Variants in ANKRD17 observed in about 807,000 individuals in gnomAD.
ANKRD17 encodes ankyrin repeat domain 17.
Under a neutral mutation model 229.7 loss-of-function variants are expected in ANKRD17, and 19 were observed. The observed-to-expected ratio is 0.08, with a 90% confidence interval of 0.06 to 0.12. The LOEUF (loss-of-function observed/expected upper bound fraction) is 0.12, where lower values mean the gene tolerates loss of function less well. ANKRD17 is among the 10% of genes least tolerant of loss of function. ANKRD17 has a pLI of 1.00. For missense variants in ANKRD17, 2,176 were observed against 3,176.8 expected (o/e 0.68, Z 7.57); for synonymous variants, 1,112 against 1,146.1 (o/e 0.97, Z 0.60).
chr4:73,109,097 C>T (rs1160167947), intron 24 of ANKRD17, among the ~76,000 whole-genome samples: 6 of 152,012 alleles, frequency 3.9e-5, no homozygotes, highest in Non-Finnish European at 5.9e-5. Flanking sequence ...GTCAGGAGTT[C>T]GAGACCAGCC....
rs895279641 is a variant in ANKRD17, at chr4:73,078,626, G to A, written c.7408+16C>T. ...GCATTAAGTTAATTTCTAGAGAGCA[G>A]GACAGAATATCCTACCTTGATTGCC... On this transcript the variant is annotated intron_variant, in intron 31 of 33. Transcript: ENST00000358602. The A allele has an allele frequency of 4.3e-6, 7 of 1,611,840 alleles. No individual in the cohort carries two copies. Among genetic ancestry groups the A allele is most frequent in the African/African-American group, 4.0e-5 (3 of 74,872 alleles).
At chr4:73,137,783 T>C (rs1272993108) in intron 15 of ANKRD17, among the ~76,000 whole-genome samples, 2 of 152,214 alleles carry the variant, frequency 1.3e-5, no homozygotes, top group African/African-American at 4.8e-5. Flanking sequence ...TAAAAAGTTA[T>C]ATGCACTTAA....
chr4:73,237,741 C>T (rs1318213231), intron 1 of ANKRD17, among the ~76,000 whole-genome samples: 1 of 151,986 alleles, frequency 6.6e-6, no homozygotes, highest in Non-Finnish European at 1.5e-5. Context: ...TTTCATATTC[C>T]CAGAAAAGGA....
intron 1 of ANKRD17, among the ~76,000 whole-genome samples, chr4:73,233,541 T>C (rs2149245844): frequency 6.6e-6 from 1 of 152,294 alleles, no homozygotes; most frequent in Admixed American, 6.5e-5. Context: ...AGAACTTGAA[T>C]TTCCTTCTAG....
intron 22 of ANKRD17, among the ~76,000 whole-genome samples, chr4:73,118,173 C>T (rs574639156): frequency 1.1e-4 from 17 of 152,140 alleles, no homozygotes; most frequent in East Asian, 5.8e-4. Flanking sequence ...CATGTCACCA[C>T]GCTCGGCTAA....
intron 24 of ANKRD17, among the ~76,000 whole-genome samples, chr4:73,106,615 T>C (rs1724657837): frequency 6.6e-6 from 1 of 152,084 alleles, no homozygotes; most frequent in African/African-American, 2.4e-5. Context: ...GCACGGTGGC[T>C]CACGCCTGTA....
chr4:73,232,974 T>A (rs142899521), intron 1 of ANKRD17, among the ~76,000 whole-genome samples: 359 of 152,252 alleles, frequency 2.4e-3, no homozygotes, highest in African/African-American at 6.9e-3. Context: ...CCACCCGCCT[T>A]GGCCTCCCAA....
At chr4:73,212,079 T>TA (rs1310778400) in intron 1 of ANKRD17, among the ~76,000 whole-genome samples, 2 of 152,144 alleles carry the variant, frequency 1.3e-5, no homozygotes, top group African/African-American at 4.8e-5. Context: ...TTATACAATA[T>TA]ATACACCTAA....
At chr4:73,083,033 G>T (rs1721736134) in intron 30 of ANKRD17, among the ~76,000 whole-genome samples, 1 of 152,194 alleles carries the variant, frequency 6.6e-6, no homozygotes, top group East Asian at 1.9e-4. Flanking sequence ...AATAGTTCAG[G>T]AATAAAATAA....
chr4:73,106,869 C>T (rs1724702189), intron 24 of ANKRD17, among the ~76,000 whole-genome samples: 1 of 104,258 alleles, frequency 9.6e-6, no homozygotes, highest in African/African-American at 3.8e-5. Flanking sequence ...TGGAGTGAGA[C>T]TCCGTCTTTA....
At chr4:73,180,836 C>G (rs1349201910) in intron 1 of ANKRD17, among the ~76,000 whole-genome samples, 1 of 152,138 alleles carries the variant, frequency 6.6e-6, no homozygotes, top group African/African-American at 2.4e-5. Context: ...TCTCTCTCAG[C>G]CATCTATAAC....
intron 1 of ANKRD17, among the ~76,000 whole-genome samples, chr4:73,230,146 C>G (rs1387070839): frequency 6.6e-6 from 1 of 151,906 alleles, no homozygotes; most frequent in Admixed American, 6.6e-5. Flanking sequence ...GTTGAACATG[C>G]TTCGAGAAAT....
intron 1 of ANKRD17, among the ~76,000 whole-genome samples, chr4:73,249,090 T>C (rs1346555272): frequency 1.3e-5 from 2 of 152,218 alleles, no homozygotes; most frequent in Non-Finnish European, 2.9e-5. Flanking sequence ...TAGATCTCTA[T>C]GGTAACATAT....
intron 14 of ANKRD17, among the ~76,000 whole-genome samples, chr4:73,141,154 T>C (rs1729551331): frequency 6.6e-6 from 1 of 152,194 alleles, no homozygotes; most frequent in African/African-American, 2.4e-5. Flanking sequence ...GTAAAACTTT[T>C]AAAAAGAAAA....
At chr4:73,146,462 C>T (rs1027600836) in intron 10 of ANKRD17, among the ~76,000 whole-genome samples, 10 of 152,082 alleles carry the variant, frequency 6.6e-5, no homozygotes, top group Admixed American at 4.6e-4. Flanking sequence ...TATATCAAAT[C>T]AGAAAAGCTT....
At chr4:73,215,208 G>A (rs992769039) in intron 1 of ANKRD17, among the ~76,000 whole-genome samples, 7 of 151,810 alleles carry the variant, frequency 4.6e-5, no homozygotes, top group Non-Finnish European at 8.8e-5. Flanking sequence ...TATCTGACAC[G>A]TGACAGCTTC....
At chr4:73,228,893 A>T (rs1052394245) in intron 1 of ANKRD17, among the ~76,000 whole-genome samples, 3 of 152,320 alleles carry the variant, frequency 2.0e-5, no homozygotes, top group Middle Eastern at 3.4e-3. Context: ...CAAATGTCCA[A>T]CAATGATAGA....
At chr4:73,247,792 G>T (rs891495222) in intron 1 of ANKRD17, among the ~76,000 whole-genome samples, 3 of 151,772 alleles carry the variant, frequency 2.0e-5, no homozygotes, top group African/African-American at 7.3e-5. Context: ...ATTTCAGCAA[G>T]CAAAATTTCT....
At chr4:73,226,292 G>C (rs1198922650) in intron 1 of ANKRD17, among the ~76,000 whole-genome samples, 1 of 148,336 alleles carries the variant, frequency 6.7e-6, no homozygotes, top group Non-Finnish European at 1.5e-5. Flanking sequence ...TTGATTAAAT[G>C]AACAAATTCA....
Sources: allele counts gnomAD v4.1 joint callset (sites outside exome capture counted in the v4.1 genomes callset), GRCh38; gene constraint gnomAD v4.1.1; transcripts MANE v1.5; gene names NCBI Gene and HGNC (gene_info 2026-07-23, HGNC 2026-07-21).